Variants in MAP3K20 observed in about 807,000 individuals in gnomAD.
MAP3K20 encodes HCCS-4.
MAP3K20 carries 40 observed loss-of-function variants against 85.7 expected under a neutral mutation model. The ratio of observed to expected loss-of-function variants is 0.47; its 90% CI spans 0.36 to 0.61. The LOEUF is 0.61. Ranked by LOEUF, MAP3K20 falls within the 20% of genes least tolerant of loss-of-function variation. MAP3K20 has a pLI of 0.00. For missense variants in MAP3K20, 817 were observed against 961.7 expected, an observed-to-expected ratio of 0.85 and a Z score of 1.99; for synonymous variants, 325 against 327.7, an observed-to-expected ratio of 0.99 and a Z score of 0.09.
Position 173,224,272 on chromosome 2 carries a change from C to T in MAP3K20, c.988-5417C>T, listed in dbSNP as rs534964653. On this transcript the variant is annotated intron_variant, in intron 11 of 19. Coordinates refer to ENST00000375213, the MANE Select transcript of MAP3K20 (RefSeq NM_016653.3). The stretch of plus-strand genomic sequence containing the variant: ...GCAAGGGGATCTTTGGGGCTAACTT[C>T]GGGATCCCTGCACTTTATGTAAGAA... 43 of 985,342 alleles carry T rather than the reference C, an allele frequency of 4.4e-5. No homozygotes were observed. In the South Asian group the frequency reaches 7.5e-4, roughly 17 times the overall value. 61.0% of individuals were successfully genotyped at this position (985,342 alleles called of 1,614,324 possible).
intron 2 of MAP3K20, among the ~76,000 whole-genome samples, chr2:173,093,651 A>G (rs1409242114): frequency 6.6e-6 from 1 of 152,148 alleles, no homozygotes; most frequent in Non-Finnish European, 1.5e-5. Flanking sequence ...TATATACCCA[A>G]AGGACTATAA....
chr2:173,120,891 G>A (rs1053427765), intron 2 of MAP3K20, among the ~76,000 whole-genome samples: 1 of 151,560 alleles, frequency 6.6e-6, no homozygotes, highest in Non-Finnish European at 1.5e-5. Context: ...TTGTATTTTA[G>A]TAGAGACATG....
chr2:173,265,915 C>G, intron 19 of MAP3K20, 135 bp from the exon 20 acceptor site: 1 of 862,960 alleles, frequency 1.2e-6, no homozygotes, highest in Non-Finnish European at 1.7e-6. Context: ...CGTCCTTATA[C>G]ATAGCCTAGA....
intron 2 of MAP3K20, among the ~76,000 whole-genome samples, chr2:173,093,124 A>G (rs373599596): frequency 1.5e-4 from 23 of 152,336 alleles, no homozygotes; most frequent in East Asian, 5.8e-4. Context: ...ATAAAAAGTT[A>G]TGGCGAGGAG....
intron 2 of MAP3K20, among the ~76,000 whole-genome samples, chr2:173,092,985 C>G (rs187799238): frequency 5.7e-4 from 87 of 152,142 alleles, no homozygotes; most frequent in African/African-American, 2.0e-3. Context: ...AACTCATAAA[C>G]CTGTAGGTAG....
intron 2 of MAP3K20, among the ~76,000 whole-genome samples, chr2:173,115,452 G>A (rs1308208607): frequency 6.6e-6 from 1 of 151,996 alleles, no homozygotes; most frequent in Non-Finnish European, 1.5e-5. Flanking sequence ...TATTGCTGGT[G>A]GCTAGTGTGA....
intron 2 of MAP3K20, among the ~76,000 whole-genome samples, chr2:173,094,361 A>G (rs1687396743): frequency 6.6e-6 from 1 of 152,218 alleles, no homozygotes; most frequent in Non-Finnish European, 1.5e-5. Context: ...ATACTTCAGC[A>G]TCTCCCAAAA....
chr2:173,162,744 T>C (rs1465991384), intron 2 of MAP3K20, among the ~76,000 whole-genome samples: 2 of 151,038 alleles, frequency 1.3e-5, no homozygotes, highest in Non-Finnish European at 2.9e-5. Flanking sequence ...CGTGGAGTAG[T>C]TATATGCTTA....
intron 12 of MAP3K20, among the ~76,000 whole-genome samples, chr2:173,231,029 C>G (rs985473560): frequency 1.9e-4 from 29 of 152,220 alleles, no homozygotes; most frequent in African/African-American, 6.5e-4. Context: ...CTATAAAACT[C>G]AGGGACTTAT....
At chr2:173,185,008 G>C (rs1288253640) in intron 4 of MAP3K20, among the ~76,000 whole-genome samples, 1 of 151,968 alleles carries the variant, frequency 6.6e-6, no homozygotes, top group Non-Finnish European at 1.5e-5. Flanking sequence ...TTGGGAAGCC[G>C]AGGAAGGTGG....
In MAP3K20 at chr2:173,075,992, C is replaced by T; in HGVS notation, c.-45C>T. On this transcript the variant is annotated 5_prime_UTR_variant, in exon 1 of 20. Transcript: ENST00000375213. ...CCCCCGGCTGCTGCTCACGCCCCGCCCGGGAGCCAGGTAGGGGTCAGGCTG... is the reference window on the plus strand; with the variant it reads ...CCCCCGGCTGCTGCTCACGCCCCGCTCGGGAGCCAGGTAGGGGTCAGGCTG... 1 of 984,892 alleles carries T rather than the reference C, an allele frequency of 1.0e-6. No homozygotes were observed. Among genetic ancestry groups the T allele is most frequent in the Non-Finnish European group, 1.2e-6 (1 of 829,736 alleles). The allele number at this position is 984,892 out of a possible 1,614,324, so 61.0% of individuals were successfully genotyped here.
intron 12 of MAP3K20, 60 bp downstream of exon 12, chr2:173,229,793 T>TA (rs1684480062): frequency 1.9e-6 from 3 of 1,594,144 alleles, no homozygotes; most frequent in Non-Finnish European, 2.6e-6. Flanking sequence ...AATTTTTCCC[T>TA]AAGTTTTTAG....
At position 173,267,001 on chromosome 2, in the gene MAP3K20, T is replaced by C. The variant is rs1368364455; in HGVS notation, c.*251T>C. On this transcript the variant is annotated 3_prime_UTR_variant, in exon 20 of 20. Coordinates refer to ENST00000375213, the MANE Select transcript of MAP3K20 (RefSeq NM_016653.3). ...ATTTTCTGCCTTGAGTGAACATTTTTAGAGGAAAGGTTATGCCATCTTTTT... is the reference window on the plus strand; with the variant it reads ...ATTTTCTGCCTTGAGTGAACATTTTCAGAGGAAAGGTTATGCCATCTTTTT... 3.3e-6 allele frequency: 1 copy of C among 306,688 alleles called. No homozygotes were observed. Among genetic ancestry groups the C allele is most frequent in the African/African-American group, 2.1e-5 (1 of 46,646 alleles). The allele number at this position is 306,688 out of a possible 1,614,324, so 19.0% of individuals were successfully genotyped here.
At chr2:173,100,343 C>T (rs1203497737) in intron 2 of MAP3K20, among the ~76,000 whole-genome samples, 2 of 152,176 alleles carry the variant, frequency 1.3e-5, no homozygotes, top group Non-Finnish European at 2.9e-5. Flanking sequence ...GAAACTAAGG[C>T]TCAGGGAAGT....
rs1190999684 is a variant in MAP3K20, at chr2:173,077,676, A to T, written c.-35+1674A>T. On this transcript the variant is annotated intron_variant, in intron 1 of 19. Coordinates refer to ENST00000375213, the MANE Select transcript of MAP3K20 (RefSeq NM_016653.3). ...AAAAATTTAGTGATAATAATTCCAG[A>T]GTAAATGACCATGATGCAATTGCAA... Among the ~76,000 whole-genome samples the T allele has an allele frequency of 2.6e-5, 4 of 152,390 alleles. No homozygotes were observed. In the South Asian group the frequency reaches 6.2e-4, roughly 24 times the overall value.
chr2:173,165,779 C>G (rs1439216353), intron 2 of MAP3K20, among the ~76,000 whole-genome samples: 1 of 152,208 alleles, frequency 6.6e-6, no homozygotes, highest in Admixed American at 6.5e-5. Flanking sequence ...TCAAGCCATC[C>G]TACTGCCTCA....
At chr2:173,134,412 A>ATTTTTTTTTTTT in intron 2 of MAP3K20, among the ~76,000 whole-genome samples, 1 of 5,658 alleles carries the variant, frequency 1.8e-4, no homozygotes, top group Non-Finnish European at 4.8e-4. Context: ...ATATATATAT[A>ATTTTTTTTTTTT]TATATATATA....
chr2:173,182,772 A>AT, intron 3 of MAP3K20, 82 bp from the exon 4 acceptor site: 1 of 996,894 alleles, frequency 1.0e-6, no homozygotes, highest in Non-Finnish European at 1.4e-6. Context: ...TCTTTAATGT[A>AT]TTTTCTCAAT....
intron 1 of MAP3K20, among the ~76,000 whole-genome samples, chr2:173,081,592 CAA>C (rs989415820): frequency 6.6e-6 from 1 of 152,114 alleles, no homozygotes; most frequent in Non-Finnish European, 1.5e-5. Flanking sequence ...GCTTTCAAGA[CAA>C]AGAGATCTCT....
Sources: gnomAD v4.1 joint callset for allele counts (sites outside exome capture counted in the v4.1 genomes callset) on GRCh38, gnomAD v4.1.1 for gene constraint, MANE v1.5 for transcripts, NCBI Gene and HGNC (gene_info 2026-07-23, HGNC 2026-07-21) for gene names.